The following CABP4 variants were observed in gnomAD, a reference collection of about 807,000 sequenced individuals.
CABP4 encodes the protein calcium binding protein 4.
In CABP4, 30 loss-of-function variants were observed where a neutral mutation model predicts 30.7. The ratio of observed to expected loss-of-function variants is 0.98; its 90% confidence interval spans 0.73 to 1.33. The LOEUF is 1.33. Among genes scored for constraint, CABP4 ranks in the 40% most tolerant of loss-of-function variants. CABP4 has a pLI of 0.00. For missense variants in CABP4, 424 were observed against 395.5 expected (o/e 1.07, Z -0.61); for synonymous variants, 161 against 159.2 (o/e 1.01, Z -0.08).
chr11:67,454,822 C>G (rs905658110), upstream of CABP4, among the ~76,000 whole-genome samples: 4 of 152,226 alleles, frequency 2.6e-5, no homozygotes, highest in Non-Finnish European at 4.4e-5. Flanking sequence ...CACATCACCC[C>G]CCGTGCTCCT....
chr11:67,453,917 A>T (rs1179033097), upstream of CABP4, among the ~76,000 whole-genome samples: 1 of 151,692 alleles, frequency 6.6e-6, no homozygotes, highest in African/African-American at 2.4e-5. Flanking sequence ...GGGCAGTGGG[A>T]ACCCCCTCCC....
At position 67,460,846 on chromosome 11, in the gene CABP4, G is replaced by C. The variant is rs886048579; in HGVS notation, c.*2187G>C. Among the ~76,000 whole-genome samples the C allele has an allele frequency of 3.9e-5, 6 of 152,026 alleles. No individual in the cohort carries two copies. The highest frequency in any genetic ancestry group is 7.4e-5 in the Non-Finnish European group (5 of 68,010). On this transcript the variant is annotated 3_prime_UTR_variant, in exon 6 of 6. Transcript: ENST00000325656. ...AAATACAAAAAAAAATTAGCTGGGC[G>C]TGGTGGCGGGCGCCTGTAGTCCCAG...
chr11:67,453,148 AG>A (rs1864627490), upstream of CABP4: 1 of 161,838 alleles, frequency 6.2e-6, no homozygotes, highest in Admixed American at 6.0e-5. Context: ...CTGGGACTAC[AG>A]GTGTGCACCC....
chr11:67,455,986 TCA>T (rs749519124), intron 1 of CABP4, 197 bp downstream of exon 1: 11 of 1,185,232 alleles, frequency 9.3e-6, no homozygotes, highest in Non-Finnish European at 1.3e-5. Flanking sequence ...GAGCCAGAAT[TCA>T]CACCAGGGCT....
In CABP4 at chr11:67,457,680, G is replaced by C; in HGVS notation, c.649G>C (p.Glu217Gln). 1 of 1,578,822 alleles carries C rather than the reference G, an allele frequency of 6.3e-7. No individual in the cohort carries two copies. ...GCGAGAGCTGCGCATCGCCTTCCGA[G>C]AGGTGCGGAGTGTGGTGAGGTGGGC... ...GVRELRIAFR[E>Q]FDRDRDGRIT... The change falls in exon 4 of 6, where the codon GAG becomes CAG. Residue 217 changes from glutamate (E) to glutamine (Q), a missense_variant and splice_region_variant. Glu to Gln is a conservative substitution (Grantham distance 29). Coordinates refer to ENST00000325656, the MANE Select transcript of CABP4 (RefSeq NM_145200.5).
chr11:67,452,482 C>T (rs1275711583), upstream of CABP4: 1 of 1,611,720 alleles, frequency 6.2e-7, no homozygotes, highest in Admixed American at 1.7e-5. Flanking sequence ...CCGCTGCTGC[C>T]AGGAACAAGA....
chr11:67,457,711 G>A, intron 4 of CABP4, 29 bp downstream of exon 4: 1 of 1,534,946 alleles, frequency 6.5e-7, no homozygotes, highest in Non-Finnish European at 8.8e-7. Context: ...TGGGCAGAGG[G>A]GGGCAGGGCT....
In CABP4 at chr11:67,455,651, T is replaced by A. The variant is rs1050306159; in HGVS notation, c.228T>A (p.Thr76=). The A allele has an allele frequency of 6.2e-7, 1 of 1,610,250 alleles. No individual in the cohort carries two copies. The highest frequency in any genetic ancestry group is 8.5e-7 in the Non-Finnish European group (1 of 1,179,314). The stretch of plus-strand genomic sequence containing the variant: ...GGAGCAGCAATAACCCTCCCAGCAC[T>A]GGAGAGGGGCCGGCGGGCGCACCCC... The part of the protein sequence containing the change: ...APGSSNNPPS[T]GEGPAGAPPA... The change falls in exon 1 of 6, where the codon ACT becomes ACA. Residue 76 remains threonine (T), a synonymous_variant. Coordinates refer to ENST00000325656, the MANE Select transcript of CABP4 (RefSeq NM_145200.5).
chr11:67,457,516 TC>T, intron 3 of CABP4, 56 bp from the exon 4 acceptor site: 1 of 1,460,020 alleles, frequency 6.8e-7, no homozygotes, highest in Non-Finnish European at 9.4e-7. Context: ...GGGATGTCCC[TC>T]CTTGGGCTTC....
upstream of CABP4, among the ~76,000 whole-genome samples, chr11:67,454,722 C>A (rs932825652): frequency 1.3e-5 from 2 of 152,216 alleles, no homozygotes; most frequent in African/African-American, 2.4e-5. Context: ...CCCCCTCCCC[C>A]AGCCCTGATG....
intron 3 of CABP4, 85 bp from the exon 4 acceptor site, chr11:67,457,488 T>C: frequency 8.9e-7 from 1 of 1,129,852 alleles, no homozygotes; most frequent in Non-Finnish European, 1.3e-6. Flanking sequence ...AGCCTGGGGG[T>C]GGGGGTGCCT....
rs760454294 is a variant in CABP4, at chr11:67,456,329, C to T, written c.428C>T (p.Thr143Ile). The change falls in exon 3 of 6, where the codon ACT becomes ATT. Residue 143 changes from threonine to isoleucine, a missense_variant. Coordinates refer to ENST00000325656, the MANE Select transcript of CABP4 (RefSeq NM_145200.5). ...CAGGCCGCCTTCGAGGAGTTTGACACTGACCGTGACGGCTACATCAGCCAC... is the reference window on the plus strand; with the variant it reads ...CAGGCCGCCTTCGAGGAGTTTGACATTGACCGTGACGGCTACATCAGCCAC... The part of the protein sequence containing the change: ...ELQAAFEEFD[T>I]DRDGYISHRE... 1 of 1,613,906 alleles carries T rather than the reference C, an allele frequency of 6.2e-7. No individual in the cohort carries two copies. Among genetic ancestry groups the T allele is most frequent in the Non-Finnish European group, 8.5e-7 (1 of 1,180,018 alleles).
intron 1 of CABP4, 118 bp from the exon 2 acceptor site, chr11:67,456,070 C>T: frequency 6.3e-7 from 1 of 1,589,248 alleles, no homozygotes; most frequent in East Asian, 2.2e-5. Context: ...GCTTCAGGGT[C>T]CTTTTCCTAC....
In CABP4 at chr11:67,457,571, A is replaced by C. The variant is rs1355768631; in HGVS notation, c.542-2A>C. 1.9e-6 allele frequency: 3 copies of C among 1,578,626 alleles called. No homozygotes were observed. The African/African-American group carries it at 4.0e-5, about 21-fold the overall frequency. ...ATTGTGACACTCTTCCTGGGTCTGC[A>C]GTGGGCGGCCGTGTGGACTTTGAGG... On this transcript the variant is annotated splice_acceptor_variant, in intron 3 of 5. Transcript: ENST00000325656. LOFTEE classifies it high-confidence loss of function.
intron 1 of CABP4, 52 bp from the exon 2 acceptor site, chr11:67,456,136 G>T: frequency 6.2e-7 from 1 of 1,612,926 alleles, no homozygotes; most frequent in East Asian, 2.2e-5. Context: ...AAGGAGGAAG[G>T]ATGACAGAGC....
intron 3 of CABP4, among the ~76,000 whole-genome samples, chr11:67,457,210 C>T (rs1864842673): frequency 6.6e-6 from 1 of 152,258 alleles, no homozygotes; most frequent in South Asian, 2.1e-4. Context: ...ACTTCATGGC[C>T]ATGAACCTGA....
Position 67,458,790 on chromosome 11 carries a change from A to T in CABP4, c.*131A>T. The T allele has an allele frequency of 1.8e-6, 2 of 1,098,258 alleles. No individual in the cohort carries two copies. Among genetic ancestry groups the T allele is most frequent in the Non-Finnish European group, 2.7e-6 (2 of 739,654 alleles). 68.0% of individuals were successfully genotyped at this position (1,098,258 alleles called of 1,614,324 possible). A position where few individuals can be genotyped will look rare whatever the true frequency, so the allele number is the denominator to read the frequency against. ...GCCCCCAGACTACTTCTATCCCTGA[A>T]AACACCTGGCCTCAATGTTGGCTTG... On this transcript the variant is annotated 3_prime_UTR_variant, in exon 6 of 6. Coordinates refer to ENST00000325656, the MANE Select transcript of CABP4 (RefSeq NM_145200.5).
upstream of CABP4, chr11:67,452,498 G>C: frequency 6.2e-7 from 1 of 1,610,978 alleles, no homozygotes; most frequent in Non-Finnish European, 8.5e-7. Context: ...CAAGAAGTCA[G>C]AGAGGGCCAG....
chr11:67,458,853 A>G lies in CABP4; in HGVS notation c.*194A>G, dbSNP rs970600317. The G allele has an allele frequency of 8.9e-6, 6 of 672,346 alleles. No individual in the cohort carries two copies. The highest frequency in any genetic ancestry group is 1.8e-5 in the African/African-American group (1 of 56,086). The allele number at this position is 672,346 out of a possible 1,614,324, so 41.6% of individuals were successfully genotyped here. ...CCCACCCTCATCCTTACCTCCTCCTACTCAAGCTGCCTGGAGAAGACCTGC... is the reference window on the plus strand; with the variant it reads ...CCCACCCTCATCCTTACCTCCTCCTGCTCAAGCTGCCTGGAGAAGACCTGC... On this transcript the variant is annotated 3_prime_UTR_variant, in exon 6 of 6. Transcript: ENST00000325656.
Sources: gnomAD v4.1 joint callset for allele counts (sites outside exome capture counted in the v4.1 genomes callset) on GRCh38, gnomAD v4.1.1 for gene constraint, MANE v1.5 for transcripts, NCBI Gene and HGNC (gene_info 2026-07-23, HGNC 2026-07-21) for gene names.